Variants in ZFHX3 observed in about 807,000 individuals in gnomAD.
The protein encoded by ZFHX3 is zinc finger homeobox 3.
In ZFHX3, 42 loss-of-function variants were observed where a neutral mutation model predicts 279.1. The observed-to-expected ratio is 0.15, with a 90% CI of 0.12 to 0.19. The LOEUF (loss-of-function observed/expected upper bound fraction) is 0.19. ZFHX3 is among the 10% of genes least tolerant of loss of function. ZFHX3 has a pLI of 1.00. For synonymous variants in ZFHX3, 2,293 were observed against 1,957.8 expected (o/e 1.17, Z -4.52); for missense variants, 4,981 against 4,754.0 (o/e 1.05, Z -1.40).
intron 3 of ZFHX3, among the ~76,000 whole-genome samples, chr16:72,937,806 G>C (rs540905321): frequency 6.6e-6 from 1 of 152,160 alleles, no homozygotes; most frequent in South Asian, 2.1e-4. Context: ...GCCTTTTTTT[G>C]GTTTGTTTGT....
intron 1 of ZFHX3, among the ~76,000 whole-genome samples, chr16:73,691,419 C>T (rs2053148490): frequency 6.6e-6 from 1 of 152,238 alleles, no homozygotes; most frequent in Non-Finnish European, 1.5e-5. Flanking sequence ...GTAATATTAT[C>T]TCCAACCTTG....
chr16:72,787,136 A>ATTTG lies in ZFHX3; in HGVS notation c.*24_*27dup. On this transcript the variant is annotated 3_prime_UTR_variant, in exon 10 of 10. Coordinates refer to ENST00000268489, the MANE Select transcript of ZFHX3 (RefSeq NM_006885.4). ...GTTATTAATTTTTGTATTTAAATTC[A>ATTTG]TTTGTTTGTATTGTTCATCTTCAAA... 1.5e-6 allele frequency: 2 copies of ATTTG among 1,347,064 alleles called. No individual in the cohort carries two copies. The highest frequency in any genetic ancestry group is 1.9e-6 in the Non-Finnish European group (2 of 1,041,358). The allele number at this position is 1,347,064 out of a possible 1,614,324, so 83.4% of individuals were successfully genotyped here.
intron 1 of ZFHX3, among the ~76,000 whole-genome samples, chr16:73,740,106 T>A (rs1266320315): frequency 6.6e-6 from 1 of 152,200 alleles, no homozygotes; most frequent in African/African-American, 2.4e-5. Context: ...GAGGTAGCAC[T>A]GTAATTTAAT....
intron 1 of ZFHX3, among the ~76,000 whole-genome samples, chr16:72,988,286 T>C (rs766650889): frequency 5.9e-5 from 9 of 152,254 alleles, no homozygotes; most frequent in Middle Eastern, 6.8e-3. Flanking sequence ...ATAAGCACAG[T>C]CTAGGGCAGG....
chr16:73,136,655 G>A (rs1354537932), intron 6 of ZFHX3, among the ~76,000 whole-genome samples: 1 of 147,250 alleles, frequency 6.8e-6, no homozygotes, highest in Non-Finnish European at 1.5e-5. Context: ...AACCCAGGAG[G>A]CAGAGGTTGC....
chr16:73,402,697 G>C (rs1044132889), intron 3 of ZFHX3, among the ~76,000 whole-genome samples: 1 of 152,118 alleles, frequency 6.6e-6, no homozygotes, highest in Non-Finnish European at 1.5e-5. Flanking sequence ...TCAATCCAAT[G>C]TTTTAATACC....
intron 2 of ZFHX3, among the ~76,000 whole-genome samples, chr16:73,523,259 G>T (rs1387259301): frequency 6.6e-6 from 1 of 152,196 alleles, no homozygotes; most frequent in African/African-American, 2.4e-5. Context: ...CTTTAGCAAA[G>T]AACTCTTGGA....
chr16:73,680,654 G>A (rs766766), intron 1 of ZFHX3, among the ~76,000 whole-genome samples: 68,325 of 152,086 alleles, frequency 0.45, 17,161 homozygotes, highest in East Asian at 0.79. Flanking sequence ...CAAAGAAAGT[G>A]ACAGGAAATT....
chr16:72,796,061 G>C lies in ZFHX3; in HGVS notation c.6621C>G (p.Ser2207=), dbSNP rs763404357. The C allele has an allele frequency of 1.3e-5, 21 of 1,614,056 alleles. No homozygotes were observed. Among genetic ancestry groups the C allele is most frequent in the South Asian group, 2.2e-5 (2 of 91,080 alleles). ...TAGGAGGATTACTGAAGTTGTAAGG[G>C]GAGTCCTTGTTACGCTGCCTCTCTT... The part of the protein sequence containing the change: ...LFKERQRNKD[S]PYNFSNPPIT... The change falls in exon 9 of 10, where the codon TCC becomes TCG. Residue 2207 remains serine (S), a synonymous_variant. Coordinates refer to ENST00000268489, the MANE Select transcript of ZFHX3 (RefSeq NM_006885.4).
At chr16:73,046,694 G>A (rs1325431914) in intron 1 of ZFHX3, among the ~76,000 whole-genome samples, 1 of 152,108 alleles carries the variant, frequency 6.6e-6, no homozygotes, top group Non-Finnish European at 1.5e-5. Flanking sequence ...TGTCTCCAAG[G>A]ATCTCAAAGC....
At chr16:73,311,410 C>G (rs1432382788) in intron 4 of ZFHX3, among the ~76,000 whole-genome samples, 3 of 150,822 alleles carry the variant, frequency 2.0e-5, no homozygotes, top group African/African-American at 7.4e-5. Flanking sequence ...GCCTGGCCAA[C>G]ATGGTGAAAC....
chr16:73,220,565 A>G (rs2012379931), intron 5 of ZFHX3, among the ~76,000 whole-genome samples: 1 of 152,142 alleles, frequency 6.6e-6, no homozygotes, highest in African/African-American at 2.4e-5. Flanking sequence ...TAGACCAGGC[A>G]CAGTGTGCAT....
At chr16:73,366,106 A>G (rs2016524139) in intron 3 of ZFHX3, among the ~76,000 whole-genome samples, 1 of 152,232 alleles carries the variant, frequency 6.6e-6, no homozygotes, top group Admixed American at 6.5e-5. Context: ...AATAAAGGCA[A>G]GTGATGATCA....
chr16:72,834,064 G>C (rs2037127327), intron 4 of ZFHX3, among the ~76,000 whole-genome samples: 1 of 152,090 alleles, frequency 6.6e-6, no homozygotes, highest in African/African-American at 2.4e-5. Context: ...CTGGGCAAGA[G>C]AGTGAGACTC....
chr16:73,046,992 C>A (rs1597133274), intron 1 of ZFHX3, among the ~76,000 whole-genome samples: 1 of 152,242 alleles, frequency 6.6e-6, no homozygotes, highest in Non-Finnish European at 1.5e-5. Context: ...ACGCAATTCC[C>A]TCTTAGCACA....
At chr16:73,721,263 AG>A (rs1202025787) in intron 1 of ZFHX3, among the ~76,000 whole-genome samples, 1 of 152,188 alleles carries the variant, frequency 6.6e-6, no homozygotes, top group African/African-American at 2.4e-5. Context: ...CTGGGACTAC[AG>A]GCGTGAGCCA....
At chr16:73,683,146 G>C (rs1378512211) in intron 1 of ZFHX3, among the ~76,000 whole-genome samples, 1 of 151,966 alleles carries the variant, frequency 6.6e-6, no homozygotes, top group East Asian at 1.9e-4. Context: ...TAAAGAAATG[G>C]TGTTTGTTAA....
chr16:73,512,646 T>G (rs1315593818), intron 2 of ZFHX3, among the ~76,000 whole-genome samples: 1 of 152,212 alleles, frequency 6.6e-6, no homozygotes, highest in Non-Finnish European at 1.5e-5. Flanking sequence ...TTTGATGGTC[T>G]GGCAAAGATA....
At position 72,885,116 on chromosome 16, in the gene ZFHX3, A is replaced by G. The variant is rs1597345263; in HGVS notation, c.3448+4615T>C. Among the ~76,000 whole-genome samples the G allele has an allele frequency of 2.6e-5, 4 of 152,324 alleles. 1 individual carries two copies. Among genetic ancestry groups the G allele is most frequent in the East Asian group, 3.9e-4 (2 of 5,186 alleles). ...CCAGCAGGCTTGTGTGCTTGTGTCTATTGTGGGGTAGGGGTGGAAAAGTGT... is the reference window on the plus strand; with the variant it reads ...CCAGCAGGCTTGTGTGCTTGTGTCTGTTGTGGGGTAGGGGTGGAAAAGTGT... On this transcript the variant is annotated intron_variant, in intron 4 of 9. Coordinates refer to ENST00000268489, the MANE Select transcript of ZFHX3 (RefSeq NM_006885.4).
Sources: allele counts gnomAD v4.1 joint callset (sites outside exome capture counted in the v4.1 genomes callset), GRCh38; gene constraint gnomAD v4.1.1; transcripts MANE v1.5; gene names NCBI Gene and HGNC (gene_info 2026-07-23, HGNC 2026-07-21).